The following STXBP5L variants were observed in gnomAD, a reference collection of about 807,000 sequenced individuals.
The protein encoded by STXBP5L is syntaxin-binding protein 5-like.
A neutral mutation model predicts 144.5 loss-of-function variants in STXBP5L; 65 were observed. That is an observed-to-expected ratio of 0.45 (90% CI 0.37 to 0.55). The LOEUF (loss-of-function observed/expected upper bound fraction) is 0.55, where lower values mean the gene tolerates loss of function less well. Ranked by LOEUF, STXBP5L falls within the 20% of genes least tolerant of loss-of-function variation. The pLI, the probability that STXBP5L is intolerant of heterozygous loss-of-function variation, is 0.00. For synonymous variants in STXBP5L, 505 were observed against 469.6 expected, an observed-to-expected ratio of 1.08 and a Z score of -0.97; for missense variants, 1,298 against 1,405.5, an observed-to-expected ratio of 0.92 and a Z score of 1.22.
At chr3:121,072,047 A>G (rs1024993701) in intron 5 of STXBP5L, among the ~76,000 whole-genome samples, 3 of 152,206 alleles carry the variant, frequency 2.0e-5, no homozygotes, top group African/African-American at 7.2e-5. Flanking sequence ...TGCAGTTTCC[A>G]TTTGATTTTT....
intron 22 of STXBP5L, 30 bp downstream of exon 22, chr3:121,381,562 C>T (rs2046325279): frequency 6.3e-7 from 1 of 1,574,976 alleles, no homozygotes; most frequent in African/African-American, 1.4e-5. Flanking sequence ...CATTCCTTCA[C>T]TGTTACTTTT....
chr3:121,086,047 C>G (rs1380717423), intron 5 of STXBP5L, among the ~76,000 whole-genome samples: 1 of 152,018 alleles, frequency 6.6e-6, no homozygotes, highest in Non-Finnish European at 1.5e-5. Context: ...ACAAACCTAA[C>G]AAAAGCAATG....
At chr3:121,297,843 A>C (rs2051722769) in intron 19 of STXBP5L, among the ~76,000 whole-genome samples, 1 of 152,240 alleles carries the variant, frequency 6.6e-6, no homozygotes, top group African/African-American at 2.4e-5. Context: ...GCTGAAAAAG[A>C]ACCAAATGGA....
intron 23 of STXBP5L, among the ~76,000 whole-genome samples, chr3:121,408,815 G>A (rs2047053944): frequency 1.3e-5 from 2 of 151,918 alleles, no homozygotes; most frequent in Non-Finnish European, 2.9e-5. Context: ...ACAGGTGTAA[G>A]GGAAACTTAT....
At chr3:120,908,773 G>C (rs1305026338) in intron 1 of STXBP5L, among the ~76,000 whole-genome samples, 18 of 151,352 alleles carry the variant, frequency 1.2e-4, no homozygotes, top group Admixed American at 1.1e-3. Context: ...GAACAGGCGG[G>C]AGAGCGCGGC....
At chr3:121,114,832 A>G (rs1001700965) in intron 5 of STXBP5L, 93 bp from the exon 6 acceptor site, 6 of 758,066 alleles carry the variant, frequency 7.9e-6, no homozygotes, top group South Asian at 2.7e-5. Context: ...TTTATTATTT[A>G]TATAGCTATC....
rs1042107105 is a variant in STXBP5L, at chr3:121,305,558, C to T, written c.2111-12917C>T. On this transcript the variant is annotated intron_variant, in intron 19 of 26. Transcript: ENST00000471454. ...TAACATAAGAAAGGAGAAAATAATA[C>T]AGTCATATCAATACATGTGAAAACA... 2.0e-5 allele frequency among the ~76,000 whole-genome samples: 3 copies of T among 151,992 alleles called. No homozygotes were observed. In the East Asian group the frequency reaches 5.8e-4, roughly 29 times the overall value.
intron 23 of STXBP5L, among the ~76,000 whole-genome samples, chr3:121,411,102 T>G (rs904274271): frequency 2.0e-5 from 3 of 152,106 alleles, no homozygotes; most frequent in Admixed American, 6.6e-5. Flanking sequence ...TTTAATATCT[T>G]TTTAAGATAT....
chr3:120,955,942 T>A (rs1431838743), intron 3 of STXBP5L, among the ~76,000 whole-genome samples: 1 of 152,050 alleles, frequency 6.6e-6, no homozygotes, highest in Non-Finnish European at 1.5e-5. Flanking sequence ...TCTCTGAAGA[T>A]TCATTCATAT....
intron 3 of STXBP5L, among the ~76,000 whole-genome samples, chr3:120,981,742 C>CT (rs1312719660): frequency 6.6e-6 from 1 of 152,132 alleles, no homozygotes; most frequent in African/African-American, 2.4e-5. Flanking sequence ...TGGTACAACA[C>CT]TTTGTTTTTT....
chr3:121,082,950 G>A (rs1282985041), intron 5 of STXBP5L, among the ~76,000 whole-genome samples: 1 of 152,116 alleles, frequency 6.6e-6, no homozygotes, highest in African/African-American at 2.4e-5. Flanking sequence ...TGTAATCCCA[G>A]CACTTTGGGA....
At chr3:121,388,828 T>C (rs969022776) in intron 22 of STXBP5L, among the ~76,000 whole-genome samples, 16 of 152,258 alleles carry the variant, frequency 1.1e-4, no homozygotes, top group Admixed American at 5.2e-4. Flanking sequence ...TCGATGTTCA[T>C]CACAGATATT....
chr3:121,049,104 G>T (rs541512721), intron 5 of STXBP5L, among the ~76,000 whole-genome samples: 1 of 152,010 alleles, frequency 6.6e-6, no homozygotes, highest in Admixed American at 6.5e-5. Context: ...TAGAGACCCC[G>T]GTAGGGAGAC....
intron 3 of STXBP5L, among the ~76,000 whole-genome samples, chr3:120,993,351 A>G (rs999230479): frequency 6.6e-6 from 1 of 151,936 alleles, no homozygotes; most frequent in Non-Finnish European, 1.5e-5. Context: ...TTTGTTGCGT[A>G]TGCTTTTACA....
intron 9 of STXBP5L, among the ~76,000 whole-genome samples, chr3:121,200,212 A>T (rs111733968): frequency 0.12 from 18,310 of 151,980 alleles, 1,162 homozygotes; most frequent in Non-Finnish European, 0.14. Flanking sequence ...TAGTCTTGGG[A>T]GGGTGTATGT....
At chr3:121,001,776 C>G (rs1281705180) in intron 3 of STXBP5L, among the ~76,000 whole-genome samples, 1 of 152,222 alleles carries the variant, frequency 6.6e-6, no homozygotes, top group Non-Finnish European at 1.5e-5. Context: ...TCTGTCCATT[C>G]ACTCTCAAAG....
At chr3:121,026,546 T>A (rs1029173012) in intron 3 of STXBP5L, among the ~76,000 whole-genome samples, 1 of 152,086 alleles carries the variant, frequency 6.6e-6, no homozygotes, top group African/African-American at 2.4e-5. Flanking sequence ...TGTACAACAG[T>A]GCTCAATGGT....
At chr3:120,940,364 C>A (rs1326197221) in intron 2 of STXBP5L, among the ~76,000 whole-genome samples, 1 of 151,792 alleles carries the variant, frequency 6.6e-6, no homozygotes, top group Admixed American at 6.6e-5. Flanking sequence ...GAAGCCATGA[C>A]CATAAAAGAT....
intron 3 of STXBP5L, among the ~76,000 whole-genome samples, chr3:121,015,535 G>T (rs546697639): frequency 6.6e-6 from 1 of 152,258 alleles, no homozygotes; most frequent in South Asian, 2.1e-4. Context: ...GGTGCTGAAT[G>T]TGGGACTAGC....
Sources: gnomAD v4.1 joint callset for allele counts (sites outside exome capture counted in the v4.1 genomes callset) on GRCh38, gnomAD v4.1.1 for gene constraint, MANE v1.5 for transcripts, NCBI Gene and HGNC (gene_info 2026-07-23, HGNC 2026-07-21) for gene names.